The following CTNNA2 variants were observed in gnomAD, a reference collection of about 807,000 sequenced individuals.
CTNNA2 encodes the protein catenin alpha 2.
Under a neutral mutation model 101.0 loss-of-function variants are expected in CTNNA2, and 42 were observed. The ratio of observed to expected loss-of-function variants is 0.42; its 90% CI spans 0.32 to 0.54. The LOEUF (loss-of-function observed/expected upper bound fraction) is 0.54, where lower values mean the gene tolerates loss of function less well. Ranked by LOEUF, CTNNA2 falls within the 20% of genes least tolerant of loss-of-function variation. The probability of loss-of-function intolerance (pLI) is 0.14; values close to 1 mark genes in which losing one functional copy is unlikely to be tolerated. For synonymous variants in CTNNA2, 450 were observed against 456.4 expected, an observed-to-expected ratio of 0.99 and a Z score of 0.18; for missense variants, 871 against 1,223.1, an observed-to-expected ratio of 0.71 and a Z score of 4.29.
At chr2:80,616,232 C>G (rs1698840636) in intron 17 of CTNNA2, among the ~76,000 whole-genome samples, 1 of 151,708 alleles carries the variant, frequency 6.6e-6, no homozygotes, top group African/African-American at 2.4e-5. Context: ...CTTTTAAGAA[C>G]CATGTACGTT....
At chr2:79,514,307 T>C (rs1671689701) in intron 1 of CTNNA2, among the ~76,000 whole-genome samples, 2 of 152,186 alleles carry the variant, frequency 1.3e-5, no homozygotes, top group Admixed American at 1.3e-4. Context: ...AAATATACCA[T>C]TTAGATGGCA....
At chr2:80,434,097 T>A (rs1681798900) in intron 9 of CTNNA2, among the ~76,000 whole-genome samples, 1 of 152,200 alleles carries the variant, frequency 6.6e-6, no homozygotes, top group African/African-American at 2.4e-5. Context: ...GTGCAAGTGA[T>A]TTTCTTGCCT....
chr2:80,006,428 C>T (rs1052836273), intron 7 of CTNNA2, among the ~76,000 whole-genome samples: 11 of 151,420 alleles, frequency 7.3e-5, no homozygotes, highest in Non-Finnish European at 1.3e-4. Flanking sequence ...TAGAACCCTA[C>T]AGCTCATTTG....
At chr2:79,817,909 C>G (rs1171831867) in intron 3 of CTNNA2, among the ~76,000 whole-genome samples, 1 of 152,164 alleles carries the variant, frequency 6.6e-6, no homozygotes, top group Non-Finnish European at 1.5e-5. Context: ...AAATAACCCC[C>G]TCTCCCAAAA....
intron 7 of CTNNA2, among the ~76,000 whole-genome samples, chr2:79,989,504 A>G (rs919138092): frequency 6.6e-6 from 1 of 152,102 alleles, no homozygotes; most frequent in African/African-American, 2.4e-5. Flanking sequence ...ACATGATGGC[A>G]TGCACCTGTG....
At chr2:79,457,490 TGGG>T (rs557934511) in intron 4 of CTNNA2, among the ~76,000 whole-genome samples, 1 of 151,998 alleles carries the variant, frequency 6.6e-6, no homozygotes, top group Non-Finnish European at 1.5e-5. Context: ...AGTGGGTCAT[TGGG>T]GGGGAAATAA....
At chr2:80,292,099 G>A in intron 7 of CTNNA2, among the ~76,000 whole-genome samples, 1 of 152,254 alleles carries the variant, frequency 6.6e-6, no homozygotes, top group South Asian at 2.1e-4. Flanking sequence ...TTTGCAGGAT[G>A]ACAATCCTGG....
chr2:79,488,753 T>G (rs11900604), intron 4 of CTNNA2, among the ~76,000 whole-genome samples: 10,492 of 152,174 alleles, frequency 0.069, 781 homozygotes, highest in African/African-American at 0.18. Flanking sequence ...TCTATACAAA[T>G]CTTAGGCTCT....
chr2:79,463,536 G>A (rs188134493), intron 4 of CTNNA2, among the ~76,000 whole-genome samples: 8 of 152,136 alleles, frequency 5.3e-5, no homozygotes, highest in Non-Finnish European at 1.0e-4. Flanking sequence ...CTTCTGCTGG[G>A]AGGGCAGCCA....
At chr2:79,886,060 G>C (rs942692082) in intron 6 of CTNNA2, among the ~76,000 whole-genome samples, 1 of 152,148 alleles carries the variant, frequency 6.6e-6, no homozygotes, top group African/African-American at 2.4e-5. Context: ...AAAATACTTA[G>C]TAAACAGCTA....
At chr2:80,077,687 A>C (rs1406881796) in intron 7 of CTNNA2, among the ~76,000 whole-genome samples, 1 of 152,136 alleles carries the variant, frequency 6.6e-6, no homozygotes, top group African/African-American at 2.4e-5. Context: ...TAAACAAGCC[A>C]GTCTCAAAAG....
chr2:79,777,157 G>A (rs1226198414), intron 3 of CTNNA2: 1 of 152,144 alleles, frequency 6.6e-6, no homozygotes, highest in Non-Finnish European at 1.5e-5. Flanking sequence ...TTAAGCTTGA[G>A]TAGGGTTCAT....
intron 2 of CTNNA2, among the ~76,000 whole-genome samples, chr2:79,706,140 G>A (rs1018306023): frequency 2.6e-5 from 4 of 151,992 alleles, no homozygotes; most frequent in African/African-American, 7.2e-5. Context: ...CGAGGCAGGC[G>A]GATCACGAGG....
chr2:79,474,143 C>A (rs1196534319), intron 4 of CTNNA2, among the ~76,000 whole-genome samples: 11 of 151,904 alleles, frequency 7.2e-5, no homozygotes. Context: ...TGTATTACAC[C>A]AATGACATAA....
intron 7 of CTNNA2, among the ~76,000 whole-genome samples, chr2:80,359,808 G>A (rs1674220835): frequency 6.6e-6 from 1 of 152,114 alleles, no homozygotes; most frequent in Non-Finnish European, 1.5e-5. Flanking sequence ...ACTAAGTTAT[G>A]AAATCTGATG....
At position 80,593,212 on chromosome 2, in the gene CTNNA2, G is replaced by A. The variant is rs1362115725; in HGVS notation, c.2189+3727G>A. 2.6e-5 allele frequency among the ~76,000 whole-genome samples: 4 copies of A among 152,250 alleles called. No homozygotes were observed. The South Asian group carries it at 8.3e-4, about 32-fold the overall frequency. ...TCTGGTCTAAGGTAGGAAAACACAA[G>A]GGCTGTGGGTCGCAATTTTAAAATG... On this transcript the variant is annotated intron_variant, in intron 15 of 18. Transcript: ENST00000402739.
At chr2:79,275,095 T>A (rs1048422017) in intron 2 of CTNNA2, among the ~76,000 whole-genome samples, 4 of 152,034 alleles carry the variant, frequency 2.6e-5, no homozygotes, top group Admixed American at 6.6e-5. Flanking sequence ...GCTTCAGTTA[T>A]TTTCCTGAAA....
intron 4 of CTNNA2, among the ~76,000 whole-genome samples, chr2:79,451,093 T>C (rs1180765736): frequency 6.6e-6 from 1 of 152,106 alleles, no homozygotes; most frequent in Non-Finnish European, 1.5e-5. Flanking sequence ...ATGGGGAGAA[T>C]GTGCAAACTC....
intron 7 of CTNNA2, among the ~76,000 whole-genome samples, chr2:80,071,687 G>A (rs1434100488): frequency 6.6e-6 from 1 of 152,208 alleles, no homozygotes; most frequent in Non-Finnish European, 1.5e-5. Context: ...GTGTGGCGGA[G>A]GGGAGAGAGG....
Sources: allele counts gnomAD v4.1 joint callset (sites outside exome capture counted in the v4.1 genomes callset), GRCh38; gene constraint gnomAD v4.1.1; transcripts MANE v1.5; gene names NCBI Gene and HGNC (gene_info 2026-07-23, HGNC 2026-07-21).